PARN: variants seen among roughly 807,000 people sequenced by gnomAD.
PARN encodes poly(A)-specific ribonuclease.
A neutral mutation model predicts 102.8 loss-of-function variants in PARN; 71 were observed. The observed-to-expected ratio is 0.69, with a 90% CI of 0.57 to 0.84. PARN has a LOEUF of 0.84. Among genes scored for constraint, PARN ranks in the 40% least tolerant of loss-of-function variants. The pLI is 0.00. For synonymous variants in PARN, 261 were observed against 252.9 expected (o/e 1.03, Z -0.30); for missense variants, 782 against 760.9 (o/e 1.03, Z -0.33).
chr16:14,446,066 C>T (rs1285107256), intron 23 of PARN, among the ~76,000 whole-genome samples: 2 of 152,262 alleles, frequency 1.3e-5, no homozygotes, highest in African/African-American at 4.8e-5. Flanking sequence ...TGATTACTGT[C>T]ACTGTGACTG....
At chr16:14,547,514 G>A (rs915109661) in intron 21 of PARN, among the ~76,000 whole-genome samples, 7 of 151,968 alleles carry the variant, frequency 4.6e-5, no homozygotes, top group African/African-American at 9.7e-5. Flanking sequence ...AAGACCAGCC[G>A]AGCAACATGG....
At chr16:14,504,592 G>A (rs1192825245) in intron 21 of PARN, among the ~76,000 whole-genome samples, 10 of 151,966 alleles carry the variant, frequency 6.6e-5, no homozygotes, top group African/African-American at 1.9e-4. Flanking sequence ...TAAAAATTAC[G>A]TGAGGGAGAA....
At chr16:14,591,401 A>T (rs899336682) in intron 13 of PARN, among the ~76,000 whole-genome samples, 1 of 152,058 alleles carries the variant, frequency 6.6e-6, no homozygotes, top group East Asian at 1.9e-4. Context: ...AAAAAAAAAA[A>T]AAAAAATTAT....
chr16:14,467,460 C>T (rs1001688798), intron 22 of PARN, among the ~76,000 whole-genome samples: 2 of 152,186 alleles, frequency 1.3e-5, no homozygotes, highest in African/African-American at 4.8e-5. Context: ...GCCAAGAATT[C>T]GGAGTCATTA....
intron 5 of PARN, among the ~76,000 whole-genome samples, chr16:14,623,538 A>G (rs1002991951): frequency 5.3e-5 from 8 of 151,574 alleles, no homozygotes; most frequent in Non-Finnish European, 1.0e-4. Context: ...GAAAAGAAAA[A>G]AAAAAGAAAC....
intron 22 of PARN, among the ~76,000 whole-genome samples, chr16:14,461,745 A>C (rs1305960486): frequency 6.6e-6 from 1 of 152,140 alleles, no homozygotes; most frequent in African/African-American, 2.4e-5. Context: ...CAACATTATC[A>C]CTTATTGGTT....
At chr16:14,494,149 G>A (rs764534449) in intron 21 of PARN, among the ~76,000 whole-genome samples, 4 of 152,304 alleles carry the variant, frequency 2.6e-5, no homozygotes, top group South Asian at 2.1e-4. Flanking sequence ...ACCTGAGTAC[G>A]TGAGAATTTT....
At chr16:14,570,815 CAAA>C (rs761919651) in intron 18 of PARN, among the ~76,000 whole-genome samples, 2 of 38,752 alleles carry the variant, frequency 5.2e-5, no homozygotes. Context: ...CCCACCTCTA[CAAA>C]AAAAAAAAAA....
At chr16:14,464,398 A>T (rs1194156289) in intron 22 of PARN, among the ~76,000 whole-genome samples, 1 of 152,206 alleles carries the variant, frequency 6.6e-6, no homozygotes, top group Non-Finnish European at 1.5e-5. Context: ...CAGTATCTTA[A>T]AATGAATGAA....
At position 14,582,199 on chromosome 16, in the gene PARN, A is replaced by T; in HGVS notation, c.1174T>A (p.Ser392Thr). 6.2e-7 allele frequency: 1 copy of T among 1,608,482 alleles called. No homozygotes were observed. Among genetic ancestry groups the T allele is most frequent in the South Asian group, 1.1e-5 (1 of 90,998 alleles). Residue 392 changes from serine to threonine, a missense_variant, in exon 17 of 24, where the codon TCC (serine) becomes ACC (threonine). Physicochemically the swap from Ser to Thr is moderately conservative, Grantham distance 58 (BLOSUM62 1). Coordinates refer to ENST00000437198, the MANE Select transcript of PARN (RefSeq NM_002582.4). ...DAYITGLCFI[S>T]MANYLGSFLS... ...TGCGTACCTAGGTAATTGGCCATGGAGATGAAGCACAGCCCTGTGATGTAG... is the reference window on the plus strand; with the variant it reads ...TGCGTACCTAGGTAATTGGCCATGGTGATGAAGCACAGCCCTGTGATGTAG...
At chr16:14,482,578 C>A in intron 22 of PARN, 60 bp downstream of exon 22, 3 of 1,325,862 alleles carry the variant, frequency 2.3e-6, no homozygotes, top group Non-Finnish European at 3.1e-6. Flanking sequence ...CTATGAGAAG[C>A]AACAAGAAAA....
At chr16:14,440,808 C>T (rs1038740632) in intron 23 of PARN, among the ~76,000 whole-genome samples, 2 of 152,092 alleles carry the variant, frequency 1.3e-5, no homozygotes, top group Non-Finnish European at 1.5e-5. Context: ...AAGACAAAAT[C>T]GCAGGGACAG....
At chr16:14,519,142 A>G (rs1174230638) in intron 21 of PARN, among the ~76,000 whole-genome samples, 2 of 151,812 alleles carry the variant, frequency 1.3e-5, no homozygotes, top group African/African-American at 4.8e-5. Flanking sequence ...GCTATGAGAG[A>G]AAGAACGTAT....
chr16:14,554,214 C>G (rs969367034), intron 19 of PARN, 63 bp from the exon 20 acceptor site: 3 of 1,113,166 alleles, frequency 2.7e-6, no homozygotes, highest in Non-Finnish European at 4.0e-6. Flanking sequence ...ACCAGTGACT[C>G]TTTGATGAAA....
intron 18 of PARN, among the ~76,000 whole-genome samples, chr16:14,560,359 C>T (rs546975844): frequency 2.6e-5 from 4 of 152,324 alleles, no homozygotes; most frequent in South Asian, 2.1e-4. Flanking sequence ...GGGTGTAACA[C>T]GGTAAAGACC....
chr16:14,545,331 A>T (rs1033524006), intron 21 of PARN, among the ~76,000 whole-genome samples: 1 of 152,246 alleles, frequency 6.6e-6, no homozygotes, highest in Non-Finnish European at 1.5e-5. Flanking sequence ...CTGAAATCCT[A>T]TTGAAATCTT....
intron 21 of PARN, among the ~76,000 whole-genome samples, chr16:14,539,479 T>C (rs1966758033): frequency 6.6e-6 from 1 of 152,238 alleles, no homozygotes; most frequent in Non-Finnish European, 1.5e-5. Context: ...CTCTTAAATC[T>C]GTCTGATGAA....
chr16:14,558,721 A>G (rs1188806933), intron 18 of PARN, among the ~76,000 whole-genome samples: 1 of 152,236 alleles, frequency 6.6e-6, no homozygotes, highest in African/African-American at 2.4e-5. Context: ...TGGATAACTT[A>G]TAATTCTAAG....
At chr16:14,504,652 C>A (rs1419687622) in intron 21 of PARN, among the ~76,000 whole-genome samples, 1 of 152,082 alleles carries the variant, frequency 6.6e-6, no homozygotes, top group Non-Finnish European at 1.5e-5. Flanking sequence ...AATAACCAAA[C>A]AAAATATAAT....
Sources: allele counts gnomAD v4.1 joint callset (sites outside exome capture counted in the v4.1 genomes callset), GRCh38; gene constraint gnomAD v4.1.1; transcripts MANE v1.5; gene names NCBI Gene and HGNC (gene_info 2026-07-23, HGNC 2026-07-21).